Variants in PREX1 observed in about 807,000 individuals in gnomAD.
PREX1 encodes the protein phosphatidylinositol-3,4,5-trisphosphate dependent Rac exchange factor 1, also known as phosphatidylinositol 3,4,5-trisphosphate-dependent Rac exchanger 1 protein.
Under a neutral mutation model 198.3 loss-of-function variants are expected in PREX1, and 41 were observed. That is an observed-to-expected ratio of 0.21 (90% CI 0.16 to 0.27). The LOEUF (loss-of-function observed/expected upper bound fraction) is 0.27, where lower values mean the gene tolerates loss of function less well. Among genes scored for constraint, PREX1 ranks in the 10% least tolerant of loss-of-function variants. PREX1 has a pLI of 1.00. For synonymous variants in PREX1, 843 were observed against 887.2 expected, an observed-to-expected ratio of 0.95 and a Z score of 0.89; for missense variants, 1,620 against 2,200.7, an observed-to-expected ratio of 0.74 and a Z score of 5.28.
intron 1 of PREX1, among the ~76,000 whole-genome samples, chr20:48,771,243 T>C (rs1181882886): frequency 1.3e-5 from 2 of 151,376 alleles, no homozygotes; most frequent in African/African-American, 2.4e-5. Flanking sequence ...TCCCTAACCA[T>C]TTCCCTATCC....
Position 48,700,825 on chromosome 20 carries a change from G to T in PREX1, c.845C>A (p.Ser282Tyr). The T allele has an allele frequency of 6.2e-7, 1 of 1,614,158 alleles. No homozygotes were observed. ...LLLQGTLLKI[S>Y]AGNIQERAFF... ...GGCCCTTTCCTGGATGTTGCCCGCA[G>T]AGATCTTTAACAAAGTCCCTTGCAG... The change falls in exon 7 of 40, where the codon TCT becomes TAT. Residue 282 changes from serine (S) to tyrosine (Y), a missense_variant. Physicochemically the swap from Ser to Tyr is moderately radical, Grantham distance 144. Coordinates refer to ENST00000371941, the MANE Select transcript of PREX1 (RefSeq NM_020820.4).
In PREX1 at chr20:48,625,611, A is replaced by C; in HGVS notation, c.*274T>G. ...ACGCAGGAGCCGAAGGCCAGGCACC[A>C]GCTGCTCCCATCAGCTCTATGGGTC... On this transcript the variant is annotated 3_prime_UTR_variant, in exon 40 of 40. Transcript: ENST00000371941. 1 of 417,018 alleles carries C rather than the reference A, an allele frequency of 2.4e-6. No homozygotes were observed. Among genetic ancestry groups the C allele is most frequent in the Non-Finnish European group, 4.2e-6 (1 of 236,090 alleles). The allele number at this position is 417,018 out of a possible 1,614,324, so 25.8% of individuals were successfully genotyped here.
At chr20:48,817,863 T>C (rs1342538000) in intron 1 of PREX1, among the ~76,000 whole-genome samples, 1 of 152,194 alleles carries the variant, frequency 6.6e-6, no homozygotes, top group Non-Finnish European at 1.5e-5. Context: ...GCATTGTTGG[T>C]GCTGGAGATC....
intron 36 of PREX1, among the ~76,000 whole-genome samples, chr20:48,630,214 G>C (rs1329476369): frequency 6.6e-6 from 1 of 152,322 alleles, no homozygotes; most frequent in Non-Finnish European, 1.5e-5. Context: ...CATGTGTTGA[G>C]GGTCAGAGGC....
At chr20:48,856,524 C>T in the PREX1 span, among the ~76,000 whole-genome samples, 1 of 152,200 alleles carries the variant, frequency 6.6e-6, no homozygotes, top group Non-Finnish European at 1.5e-5. Context: ...TCCAAGGCCA[C>T]GTTGCAAGTT....
chr20:48,737,300 T>A (rs1474130395), intron 3 of PREX1, among the ~76,000 whole-genome samples: 1 of 136,588 alleles, frequency 7.3e-6, no homozygotes. Context: ...AGGGAAAGCA[T>A]CGGGAGGGTC....
At chr20:48,687,768 A>G (rs729663) in intron 10 of PREX1, among the ~76,000 whole-genome samples, 74,768 of 151,850 alleles carry the variant, frequency 0.49, 18,793 homozygotes, top group South Asian at 0.65. Context: ...GATTTCTTCT[A>G]CCTCTCCCGT....
chr20:48,731,543 A>G (rs1029761786), intron 4 of PREX1, among the ~76,000 whole-genome samples: 2 of 152,232 alleles, frequency 1.3e-5, no homozygotes, highest in African/African-American at 4.8e-5. Context: ...AATCATCCCC[A>G]TTTTACAGAC....
chr20:48,834,786 C>T, the PREX1 span, among the ~76,000 whole-genome samples: 1 of 152,302 alleles, frequency 6.6e-6, no homozygotes, highest in East Asian at 1.9e-4. Context: ...TCTTGAACTC[C>T]TGGCCTCAAG....
chr20:48,654,094 G>C (rs1246793942), intron 19 of PREX1, among the ~76,000 whole-genome samples: 1 of 152,234 alleles, frequency 6.6e-6, no homozygotes, highest in East Asian at 1.9e-4. Flanking sequence ...CTGGGGACTT[G>C]CATGGCTTCA....
chr20:48,680,438 T>C (rs1258669318), intron 11 of PREX1, among the ~76,000 whole-genome samples: 2 of 152,180 alleles, frequency 1.3e-5, no homozygotes, highest in Non-Finnish European at 2.9e-5. Flanking sequence ...AACAGCTTCA[T>C]AGCTCACTCA....
chr20:48,667,350 A>T (rs147109649), intron 14 of PREX1, among the ~76,000 whole-genome samples: 1,569 of 152,330 alleles, frequency 0.01, 12 homozygotes, highest in South Asian at 0.019. Context: ...TTGCTAACTG[A>T]CCAAGCACCA....
At chr20:48,634,642 C>T (rs758454506) in intron 33 of PREX1, 34 bp downstream of exon 33, 2 of 1,602,830 alleles carry the variant, frequency 1.2e-6, no homozygotes, top group Admixed American at 1.7e-5. Flanking sequence ...CAGGACCCCA[C>T]CTCTCACAGT....
Position 48,651,007 on chromosome 20 carries a change from T to C in PREX1, c.2704A>G (p.Arg902Gly), listed in dbSNP as rs532813287. 5.5e-5 allele frequency: 89 copies of C among 1,614,204 alleles called. 2 individuals carry two copies. The South Asian group carries it at 9.6e-4, about 17-fold the overall frequency. ...ANDSVFVENC[R>G]RLMALSSAIV... is the part of the protein sequence containing the mutation. ...GCGCTGCTCAGGGCCATGAGCCGCC[T>C]GCAGTTCTCCACGAAGACGCTGTCA... Residue 902 changes from arginine to glycine, a missense_variant, in exon 23 of 40, where the codon AGG becomes GGG. This residue lies in a region of PREX1 where 514 missense variants were observed against 611.6 expected (regional missense o/e 0.84). Transcript: ENST00000371941.
intron 21 of PREX1, 72 bp from the exon 22 acceptor site, chr20:48,651,655 G>A: frequency 2.0e-6 from 3 of 1,466,424 alleles, no homozygotes; most frequent in East Asian, 2.3e-5. Context: ...GGAGGATTCT[G>A]GAGGAAGCCT....
intron 27 of PREX1, among the ~76,000 whole-genome samples, chr20:48,643,236 C>T (rs538570591): frequency 2.0e-5 from 3 of 152,296 alleles, no homozygotes; most frequent in South Asian, 4.1e-4. Context: ...TTTGGGAGGC[C>T]GGGGCAGGCG....
the PREX1 span, among the ~76,000 whole-genome samples, chr20:48,875,691 A>G: frequency 2.0e-5 from 3 of 152,206 alleles, no homozygotes; most frequent in Non-Finnish European, 4.4e-5. Flanking sequence ...TGAAAAAGGC[A>G]CAGGAGAGAA....
intron 6 of PREX1, among the ~76,000 whole-genome samples, chr20:48,705,033 T>C (rs914500058): frequency 2.6e-5 from 4 of 152,196 alleles, no homozygotes; most frequent in African/African-American, 9.7e-5. Context: ...AATAAAGAGA[T>C]CCCACTTTGC....
intron 1 of PREX1, among the ~76,000 whole-genome samples, chr20:48,757,435 A>G (rs1450117377): frequency 1.3e-5 from 2 of 152,242 alleles, no homozygotes; most frequent in African/African-American, 2.4e-5. Flanking sequence ...TTCGTCCTGC[A>G]TAACAATCCC....
Sources: gnomAD v4.1 joint callset for allele counts (sites outside exome capture counted in the v4.1 genomes callset) on GRCh38, gnomAD v4.1.1 for gene constraint, gnomAD v4.1.1 regional missense constraint, MANE v1.5 for transcripts, NCBI Gene and HGNC (gene_info 2026-07-23, HGNC 2026-07-21) for gene names.